NBAS: variants seen among roughly 807,000 people sequenced by gnomAD.
NBAS encodes NAG/BC035112 fusion.
A neutral mutation model predicts 302.5 loss-of-function variants in NBAS; 219 were observed. That is an observed-to-expected ratio of 0.72 (90% CI 0.65 to 0.81). The LOEUF is 0.81. Among genes scored for constraint, NBAS ranks in the 30% least tolerant of loss-of-function variants. The pLI, the probability that NBAS is intolerant of heterozygous loss-of-function variation, is 0.00. For missense variants in NBAS, 2,932 were observed against 2,841.6 expected (o/e 1.03, Z -0.72); for synonymous variants, 1,118 against 1,021.6 (o/e 1.09, Z -1.80).
At chr2:15,126,190 A>G in the NBAS span, among the ~76,000 whole-genome samples, 1 of 151,640 alleles carries the variant, frequency 6.6e-6, no homozygotes, top group Non-Finnish European at 1.5e-5. Flanking sequence ...CCCTCTCTCT[A>G]TTTCTCACTC....
the NBAS span, among the ~76,000 whole-genome samples, chr2:15,003,383 T>C: frequency 2.6e-5 from 4 of 152,196 alleles, no homozygotes; most frequent in African/African-American, 9.7e-5. Flanking sequence ...CAGGGAGTGC[T>C]TATCAAGTGC....
rs371586611 is a variant in NBAS, at chr2:15,489,250, C to G, written c.955-228G>C. On this transcript the variant is annotated intron_variant, in intron 11 of 51. Transcript: ENST00000281513. ...TTATAATTTACATATAACCCAAAAC[C>G]AAAAATTTGGTTATATTTACATATA... Among the ~76,000 whole-genome samples the G allele has an allele frequency of 6.6e-5, 10 of 152,090 alleles. No homozygotes were observed. The East Asian group carries it at 1.7e-3, about 26-fold the overall frequency.
intron 19 of NBAS, among the ~76,000 whole-genome samples, chr2:15,465,870 A>T (rs1327558801): frequency 3.3e-5 from 5 of 152,200 alleles, no homozygotes; most frequent in South Asian, 2.1e-4. Flanking sequence ...GGCACTTTTT[A>T]AAAAAGATAT....
the NBAS span, among the ~76,000 whole-genome samples, chr2:15,152,294 G>T: frequency 1.3e-5 from 2 of 152,216 alleles, no homozygotes; most frequent in Non-Finnish European, 2.9e-5. Flanking sequence ...GCAGAGTGGC[G>T]TCCGTACCCA....
the NBAS span, among the ~76,000 whole-genome samples, chr2:15,069,126 GCAC>G: frequency 1.3e-5 from 2 of 152,286 alleles, no homozygotes; most frequent in East Asian, 3.9e-4. Context: ...TCTCTCAAAT[GCAC>G]CACCTTTCCG....
At chr2:14,853,063 T>C in the NBAS span, among the ~76,000 whole-genome samples, 3 of 143,576 alleles carry the variant, frequency 2.1e-5, no homozygotes, top group African/African-American at 7.9e-5. Flanking sequence ...AAGCCAAAAT[T>C]GACAAATGGG....
At chr2:14,954,142 T>G in the NBAS span, among the ~76,000 whole-genome samples, 1 of 152,178 alleles carries the variant, frequency 6.6e-6, no homozygotes, top group Non-Finnish European at 1.5e-5. Flanking sequence ...AATTATCTCA[T>G]AAATCTGTAA....
At chr2:15,003,199 T>C in the NBAS span, among the ~76,000 whole-genome samples, 1 of 152,242 alleles carries the variant, frequency 6.6e-6, no homozygotes, top group African/African-American at 2.4e-5. Flanking sequence ...GCATTTCTTC[T>C]GGGCTTTTAG....
the NBAS span, among the ~76,000 whole-genome samples, chr2:15,061,260 C>T: frequency 7.0e-4 from 107 of 152,314 alleles, 1 homozygote; most frequent in African/African-American, 2.6e-3. Context: ...GACTGAGATG[C>T]AGCCTGGTAT....
the NBAS span, among the ~76,000 whole-genome samples, chr2:14,857,880 G>A: frequency 2.6e-5 from 4 of 152,254 alleles, no homozygotes; most frequent in South Asian, 4.1e-4. Flanking sequence ...ACGAAGTGAA[G>A]AGACAACCCA....
the NBAS span, among the ~76,000 whole-genome samples, chr2:15,043,931 G>T: frequency 2.0e-5 from 3 of 152,060 alleles, no homozygotes; most frequent in Non-Finnish European, 2.9e-5. Flanking sequence ...GATGCATTCG[G>T]GCAGAGATCC....
chr2:14,885,631 G>A, the NBAS span, among the ~76,000 whole-genome samples: 1,884 of 152,188 alleles, frequency 0.012, 50 homozygotes, highest in African/African-American at 0.044. Context: ...GTCCCCTAGA[G>A]AGAGATTTTC....
At chr2:15,439,233 TG>T (rs1199224408) in intron 21 of NBAS, among the ~76,000 whole-genome samples, 1 of 138,604 alleles carries the variant, frequency 7.2e-6, no homozygotes, top group Non-Finnish European at 1.5e-5. Context: ...AACCGGGAGG[TG>T]GGGCTTGCAG....
At chr2:15,487,910 G>A (rs1295636719) in intron 12 of NBAS, among the ~76,000 whole-genome samples, 1 of 152,128 alleles carries the variant, frequency 6.6e-6, no homozygotes, top group African/African-American at 2.4e-5. Flanking sequence ...GGAAACCAGG[G>A]AGAAAATATC....
intron 15 of NBAS, 87 bp from the exon 16 acceptor site, chr2:15,473,434 C>A: frequency 1.3e-6 from 2 of 1,526,104 alleles, no homozygotes; most frequent in Non-Finnish European, 9.0e-7. Flanking sequence ...GATGATAATC[C>A]CTTGGACTTA....
At chr2:15,260,028 G>A (rs1668777499) in intron 44 of NBAS, among the ~76,000 whole-genome samples, 1 of 152,188 alleles carries the variant, frequency 6.6e-6, no homozygotes, top group African/African-American at 2.4e-5. Context: ...AGCTGTAGAT[G>A]TGTTCTTGTA....
At chr2:14,888,454 CCT>C in the NBAS span, among the ~76,000 whole-genome samples, 7 of 149,856 alleles carry the variant, frequency 4.7e-5, no homozygotes, top group Non-Finnish European at 1.0e-4. Context: ...CCCGGCCCCC[CCT>C]TTTTTTTTTA....
At chr2:14,947,616 A>G in the NBAS span, among the ~76,000 whole-genome samples, 1 of 151,998 alleles carries the variant, frequency 6.6e-6, no homozygotes, top group African/African-American at 2.4e-5. Context: ...TTTAATTTGG[A>G]TGCCCTTTAT....
chr2:15,516,318 A>T (rs1320516174), intron 9 of NBAS, among the ~76,000 whole-genome samples: 1 of 152,152 alleles, frequency 6.6e-6, no homozygotes, highest in Non-Finnish European at 1.5e-5. Flanking sequence ...AACTCAGTTC[A>T]TGCTCATCAA....
Sources: gnomAD v4.1 joint callset for allele counts (sites outside exome capture counted in the v4.1 genomes callset) on GRCh38, gnomAD v4.1.1 for gene constraint, MANE v1.5 for transcripts, NCBI Gene and HGNC (gene_info 2026-07-23, HGNC 2026-07-21) for gene names.